The following DLG2 variants were observed in gnomAD, a reference collection of about 807,000 sequenced individuals.
The protein encoded by DLG2 is disks large homolog 2.
In DLG2, 45 loss-of-function variants were observed where a neutral mutation model predicts 132.5. That is an observed-to-expected ratio of 0.34 (90% CI 0.27 to 0.44). The LOEUF (loss-of-function observed/expected upper bound fraction) is 0.44. Among genes scored for constraint, DLG2 ranks in the 20% least tolerant of loss-of-function variants. The probability of loss-of-function intolerance (pLI) is 1.00; values close to 1 mark genes in which losing one functional copy is unlikely to be tolerated. For missense variants in DLG2, 1,045 were observed against 1,196.9 expected (o/e 0.87, Z 1.87); for synonymous variants, 424 against 419.6 (o/e 1.01, Z -0.13).
In DLG2 at chr11:84,431,867, CATG is replaced by C. The variant is rs1291213203; in HGVS notation, c.519+102700_519+102702del. Among the ~76,000 whole-genome samples, 3 of 152,196 alleles carry C rather than the reference CATG, an allele frequency of 2.0e-5. No individual in the cohort carries two copies. In the East Asian group the frequency reaches 5.8e-4, roughly 29 times the overall value. ...TGAAATCAAGATGCATCTTGCAATT[CATG>C]ATGTGTTATGGTTTCATTGGCAATC... is the stretch of plus-strand genomic sequence containing the variant. On this transcript the variant is annotated intron_variant, in intron 7 of 27. Coordinates refer to ENST00000376104, the MANE Select transcript of DLG2 (RefSeq NM_001142699.3).
intron 4 of DLG2, among the ~76,000 whole-genome samples, chr11:85,248,727 C>T (rs1565213304): frequency 1.3e-5 from 2 of 152,066 alleles, no homozygotes; most frequent in African/African-American, 2.4e-5. Flanking sequence ...TAAGGAAGTG[C>T]TAACAAGTGA....
intron 3 of DLG2, among the ~76,000 whole-genome samples, chr11:85,561,980 G>T (rs1232141402): frequency 2.0e-5 from 3 of 151,828 alleles, no homozygotes; most frequent in South Asian, 4.2e-4. Flanking sequence ...AAGGCGCAAG[G>T]TTACACAGCC....
At chr11:83,756,623 G>A (rs1220653316) in intron 18 of DLG2, among the ~76,000 whole-genome samples, 1 of 151,226 alleles carries the variant, frequency 6.6e-6, no homozygotes, top group Non-Finnish European at 1.5e-5. Flanking sequence ...AACCTCATAG[G>A]ATTCTTGTGA....
chr11:84,373,267 A>AAAAAAAAAAC (rs1567449305), intron 7 of DLG2, among the ~76,000 whole-genome samples: 2 of 139,286 alleles, frequency 1.4e-5, no homozygotes, highest in African/African-American at 5.5e-5. Context: ...AAAAAAAACA[A>AAAAAAAAAAC]AACAAAAAAA....
chr11:84,486,733 A>C (rs769451805), intron 7 of DLG2, among the ~76,000 whole-genome samples: 1 of 152,136 alleles, frequency 6.6e-6, no homozygotes, highest in Non-Finnish European at 1.5e-5. Context: ...TTGGCTTAAA[A>C]AATCAGCTAC....
intron 3 of DLG2, among the ~76,000 whole-genome samples, chr11:85,585,880 ATT>A (rs1388648854): frequency 6.6e-6 from 1 of 151,942 alleles, no homozygotes; most frequent in Non-Finnish European, 1.5e-5. Flanking sequence ...TGCCCGGCTA[ATT>A]TTTTTGTATA....
chr11:84,975,153 G>T (rs1239035552), intron 6 of DLG2, among the ~76,000 whole-genome samples: 2 of 152,076 alleles, frequency 1.3e-5, no homozygotes, highest in South Asian at 2.1e-4. Context: ...TGTTACAGGG[G>T]TATCAACCTA....
intron 6 of DLG2, among the ~76,000 whole-genome samples, chr11:84,765,810 A>G (rs2068332366): frequency 6.6e-6 from 1 of 152,030 alleles, no homozygotes; most frequent in Non-Finnish European, 1.5e-5. Flanking sequence ...TTTTATAGCA[A>G]TCAAAATTAT....
At chr11:83,857,001 T>A (rs2060636010) in intron 16 of DLG2, among the ~76,000 whole-genome samples, 1 of 152,196 alleles carries the variant, frequency 6.6e-6, no homozygotes, top group African/African-American at 2.4e-5. Context: ...TATTTTTGTA[T>A]CTGGTATAAG....
intron 7 of DLG2, among the ~76,000 whole-genome samples, chr11:84,462,645 CA>C (rs1228242975): frequency 1.3e-5 from 2 of 150,962 alleles, no homozygotes; most frequent in African/African-American, 2.4e-5. Context: ...AGTTTAGTTC[CA>C]AAGAAATGAA....
intron 6 of DLG2, among the ~76,000 whole-genome samples, chr11:84,876,856 G>A (rs987458407): frequency 1.3e-5 from 2 of 152,172 alleles, no homozygotes; most frequent in African/African-American, 4.8e-5. Flanking sequence ...TGCTTTAGCT[G>A]TGTCCCAGAG....
intron 7 of DLG2, among the ~76,000 whole-genome samples, chr11:84,430,526 G>A (rs1601975175): frequency 1.3e-5 from 2 of 151,760 alleles, no homozygotes; most frequent in African/African-American, 4.8e-5. Flanking sequence ...TAAATGAGAT[G>A]GTATGTGTAA....
At chr11:84,303,232 G>C (rs1304718411) in intron 7 of DLG2, among the ~76,000 whole-genome samples, 1 of 152,188 alleles carries the variant, frequency 6.6e-6, no homozygotes, top group Non-Finnish European at 1.5e-5. Context: ...TGAAAAATCA[G>C]TGTGTAAACA....
intron 6 of DLG2, among the ~76,000 whole-genome samples, chr11:84,989,376 A>C (rs1442675835): frequency 6.6e-6 from 1 of 152,088 alleles, no homozygotes. Context: ...GGGTTTCACC[A>C]TGTTGGCCGG....
intron 3 of DLG2, among the ~76,000 whole-genome samples, chr11:85,427,977 C>T (rs1477882484): frequency 6.6e-6 from 1 of 152,106 alleles, no homozygotes; most frequent in Non-Finnish European, 1.5e-5. Context: ...GGTTGCAATC[C>T]TAGTCTCTGA....
At chr11:84,964,383 C>G (rs2053030884) in intron 6 of DLG2, among the ~76,000 whole-genome samples, 1 of 152,036 alleles carries the variant, frequency 6.6e-6, no homozygotes, top group South Asian at 2.1e-4. Context: ...AATTCTGCCA[C>G]TACTCATAAA....
chr11:84,240,423 G>A (rs2097211367), intron 8 of DLG2, among the ~76,000 whole-genome samples: 1 of 152,138 alleles, frequency 6.6e-6, no homozygotes, highest in Non-Finnish European at 1.5e-5. Context: ...AGTTTTTATT[G>A]TCTCTCCTTA....
chr11:83,880,898 C>T (rs1401281849), intron 15 of DLG2, among the ~76,000 whole-genome samples: 2 of 152,090 alleles, frequency 1.3e-5, no homozygotes, highest in Non-Finnish European at 2.9e-5. Context: ...CATCTTCAAC[C>T]CTTACAAATA....
intron 9 of DLG2, among the ~76,000 whole-genome samples, chr11:84,159,729 G>C (rs957517393): frequency 6.6e-6 from 1 of 152,146 alleles, no homozygotes; most frequent in African/African-American, 2.4e-5. Context: ...CGGGTTACTT[G>C]GAGGAGAACA....
Sources: allele counts gnomAD v4.1 joint callset (sites outside exome capture counted in the v4.1 genomes callset), GRCh38; gene constraint gnomAD v4.1.1; transcripts MANE v1.5; gene names NCBI Gene and HGNC (gene_info 2026-07-23, HGNC 2026-07-21).